The following ADGRL3 variants were observed in gnomAD, a reference collection of about 807,000 sequenced individuals.
ADGRL3 encodes the protein calcium-independent alpha-latrotoxin receptor 3.
A neutral mutation model predicts 153.5 loss-of-function variants in ADGRL3; 62 were observed. That is an observed-to-expected ratio of 0.40 (90% CI 0.33 to 0.50). ADGRL3 has a LOEUF of 0.50. Ranked by LOEUF, ADGRL3 falls within the 20% of genes least tolerant of loss-of-function variation. The pLI is 0.47. For synonymous variants in ADGRL3, 710 were observed against 672.5 expected (o/e 1.06, Z -0.86); for missense variants, 1,641 against 1,859.4 (o/e 0.88, Z 2.16).
intron 1 of ADGRL3, among the ~76,000 whole-genome samples, chr4:61,296,543 T>TA (rs1484415988): frequency 3.3e-5 from 5 of 152,196 alleles, no homozygotes; most frequent in Admixed American, 6.5e-5. Flanking sequence ...CTTAAGGATT[T>TA]AAAATCCATG....
At chr4:61,237,424 AT>A (rs1753262636) in intron 1 of ADGRL3, among the ~76,000 whole-genome samples, 1 of 152,144 alleles carries the variant, frequency 6.6e-6, no homozygotes, top group African/African-American at 2.4e-5. Context: ...GTTAGTCCTT[AT>A]TCTTTGACAC....
intron 1 of ADGRL3, among the ~76,000 whole-genome samples, chr4:61,243,538 A>T (rs962663826): frequency 2.0e-5 from 3 of 151,960 alleles, no homozygotes; most frequent in Non-Finnish European, 1.5e-5. Context: ...TGAGAGAGAG[A>T]CTTAGAGTTT....
At chr4:61,573,310 T>C (rs1316625212) in intron 4 of ADGRL3, among the ~76,000 whole-genome samples, 1 of 152,036 alleles carries the variant, frequency 6.6e-6, no homozygotes, top group Non-Finnish European at 1.5e-5. Flanking sequence ...GAATTTGTGT[T>C]ATCATCATTA....
intron 4 of ADGRL3, among the ~76,000 whole-genome samples, chr4:61,524,238 G>T (rs1334690956): frequency 2.6e-5 from 4 of 151,966 alleles, no homozygotes; most frequent in African/African-American, 9.7e-5. Context: ...ACAAAATTCA[G>T]GTGAAAAGAA....
At chr4:61,902,473 A>G (rs2098669879) in intron 11 of ADGRL3, among the ~76,000 whole-genome samples, 1 of 152,172 alleles carries the variant, frequency 6.6e-6, no homozygotes, top group Non-Finnish European at 1.5e-5. Context: ...TTTGACTTCA[A>G]ATACAAACCT....
At chr4:61,347,763 A>T (rs77261711) in intron 1 of ADGRL3, among the ~76,000 whole-genome samples, 1,809 of 152,222 alleles carry the variant, frequency 0.012, 29 homozygotes, top group African/African-American at 0.041. Flanking sequence ...GTCTGTTTTC[A>T]TTTACTCACA....
intron 1 of ADGRL3, among the ~76,000 whole-genome samples, chr4:61,365,777 CTTA>C (rs2151583165): frequency 6.6e-6 from 1 of 152,234 alleles, no homozygotes; most frequent in South Asian, 2.1e-4. Context: ...ATTAATTTTT[CTTA>C]TTATCTCTCT....
chr4:61,590,030 T>C (rs1339718176), intron 5 of ADGRL3, among the ~76,000 whole-genome samples: 2 of 152,106 alleles, frequency 1.3e-5, no homozygotes, highest in Non-Finnish European at 2.9e-5. Flanking sequence ...CAATCGTCCA[T>C]GCTTTACTTC....
At chr4:61,319,335 A>G (rs1016578259) in intron 1 of ADGRL3, among the ~76,000 whole-genome samples, 1 of 152,206 alleles carries the variant, frequency 6.6e-6, no homozygotes, top group Non-Finnish European at 1.5e-5. Flanking sequence ...ATATCTTCAC[A>G]TCAGCATTAC....
chr4:61,843,921 G>T (rs2098072911), intron 9 of ADGRL3, among the ~76,000 whole-genome samples: 1 of 151,924 alleles, frequency 6.6e-6, no homozygotes, highest in Non-Finnish European at 1.5e-5. Context: ...AGGAGGCTGA[G>T]GTGGGAGTAT....
chr4:61,417,502 A>G (rs967576985), intron 2 of ADGRL3, among the ~76,000 whole-genome samples: 1 of 151,252 alleles, frequency 6.6e-6, no homozygotes, highest in Non-Finnish European at 1.5e-5. Flanking sequence ...AACAAAAACG[A>G]AAAAAAACAA....
At chr4:61,877,019 TGAG>T (rs2098480038) in intron 9 of ADGRL3, among the ~76,000 whole-genome samples, 1 of 151,062 alleles carries the variant, frequency 6.6e-6, no homozygotes, top group Non-Finnish European at 1.5e-5. Context: ...AGAGCAAAGG[TGAG>T]GAGCTCAAGT....
At chr4:61,424,658 T>C (rs1389211088) in intron 2 of ADGRL3, among the ~76,000 whole-genome samples, 1 of 152,206 alleles carries the variant, frequency 6.6e-6, no homozygotes, top group East Asian at 1.9e-4. Context: ...GATGCCACCT[T>C]GGGCAGCTTA....
chr4:61,602,433 C>T (rs2099015960), intron 5 of ADGRL3, among the ~76,000 whole-genome samples: 1 of 152,058 alleles, frequency 6.6e-6, no homozygotes. Flanking sequence ...TTGGTTGTCA[C>T]AACTGGAAAG....
At chr4:61,514,723 G>T (rs775518426) in intron 3 of ADGRL3, among the ~76,000 whole-genome samples, 1 of 151,984 alleles carries the variant, frequency 6.6e-6, no homozygotes, top group African/African-American at 2.4e-5. Context: ...AGTCAAAGTC[G>T]ACTTAAGCTC....
intron 1 of ADGRL3, among the ~76,000 whole-genome samples, chr4:61,352,609 G>A (rs1229517580): frequency 2.6e-5 from 4 of 151,910 alleles, no homozygotes; most frequent in South Asian, 4.2e-4. Context: ...GGTCTTGCAC[G>A]CCTGACCTCA....
intron 17 of ADGRL3, among the ~76,000 whole-genome samples, chr4:61,972,000 GGTT>G (rs1231908235): frequency 2.6e-5 from 4 of 151,856 alleles, no homozygotes; most frequent in African/African-American, 7.3e-5. Context: ...TTTTTGATGG[GGTT>G]GTTTGTTTTT....
intron 23 of ADGRL3, among the ~76,000 whole-genome samples, chr4:62,032,122 AT>A (rs980360848): frequency 1.3e-5 from 2 of 151,494 alleles, no homozygotes; most frequent in Admixed American, 6.6e-5. Flanking sequence ...ATACATTTAT[AT>A]TTTTTGAATG....
intron 2 of ADGRL3, among the ~76,000 whole-genome samples, chr4:61,467,339 G>A (rs575960439): frequency 1.3e-5 from 2 of 152,082 alleles, no homozygotes; most frequent in African/African-American, 4.8e-5. Flanking sequence ...TCTATTCTTG[G>A]AATTAATTTT....
Sources: gnomAD v4.1 joint callset for allele counts (sites outside exome capture counted in the v4.1 genomes callset) on GRCh38, gnomAD v4.1.1 for gene constraint, MANE v1.5 for transcripts, NCBI Gene and HGNC (gene_info 2026-07-23, HGNC 2026-07-21) for gene names.